VPS13C: variants seen among roughly 807,000 people sequenced by gnomAD.
VPS13C encodes vacuolar protein sorting 13 homolog C.
In VPS13C, 358 loss-of-function variants were observed where a neutral mutation model predicts 456.8. The observed-to-expected ratio is 0.78, with a 90% CI of 0.72 to 0.86. The LOEUF (loss-of-function observed/expected upper bound fraction) is 0.86. Among genes scored for constraint, VPS13C ranks in the 40% least tolerant of loss-of-function variants. The pLI is 0.00. For synonymous variants in VPS13C, 1,578 were observed against 1,486.7 expected, an observed-to-expected ratio of 1.06 and a Z score of -1.41; for missense variants, 4,818 against 4,385.4, an observed-to-expected ratio of 1.10 and a Z score of -2.79.
intron 27 of VPS13C, among the ~76,000 whole-genome samples, chr15:61,972,143 T>C (rs771425245): frequency 3.9e-5 from 6 of 152,198 alleles, no homozygotes; most frequent in Non-Finnish European, 7.3e-5. Flanking sequence ...TCTTTTTGTT[T>C]TCCCAAATAA....
chr15:61,986,593 T>A (rs552367814), intron 18 of VPS13C, among the ~76,000 whole-genome samples: 6 of 151,886 alleles, frequency 4.0e-5, no homozygotes, highest in Non-Finnish European at 8.8e-5. Flanking sequence ...GAAGTGAGGA[T>A]TTTTTTCCCA....
chr15:62,003,416 T>G (rs9920465), intron 15 of VPS13C, among the ~76,000 whole-genome samples: 16,872 of 151,500 alleles, frequency 0.11, 1,281 homozygotes, highest in African/African-American at 0.22. Flanking sequence ...AAGGAGATTT[T>G]GGGCTGAGAC....
chr15:61,860,953 CTTTTTTTTTTTTT>C (rs781045840), intron 82 of VPS13C, among the ~76,000 whole-genome samples: 7 of 89,698 alleles, frequency 7.8e-5, no homozygotes, highest in Non-Finnish European at 1.1e-4. Context: ...TATTTTCTTT[CTTTTTTTTTTTTT>C]TTTTTTTTTT....
intron 67 of VPS13C, among the ~76,000 whole-genome samples, chr15:61,888,655 C>T (rs987183723): frequency 1.3e-5 from 2 of 151,958 alleles, no homozygotes; most frequent in African/African-American, 4.8e-5. Context: ...AAAAGAAAAA[C>T]TTTGGAGACA....
At chr15:62,054,196 G>A (rs1285489505) in intron 1 of VPS13C, among the ~76,000 whole-genome samples, 1 of 152,190 alleles carries the variant, frequency 6.6e-6, no homozygotes, top group African/African-American at 2.4e-5. Context: ...GCTAAGGGCT[G>A]TGAAATTTAT....
At chr15:62,007,508 G>A (rs372224838) in intron 14 of VPS13C, 29 bp from the exon 15 acceptor site, 4 of 1,528,932 alleles carry the variant, frequency 2.6e-6, no homozygotes, top group Non-Finnish European at 3.5e-6. Context: ...TAACGTAAAT[G>A]TTAATATAAA....
intron 81 of VPS13C, chr15:61,864,920 C>A (rs990141044): frequency 1.6e-4 from 154 of 976,598 alleles, no homozygotes; most frequent in Non-Finnish European, 1.4e-4. Context: ...AATGCAAGTA[C>A]AAGAAATACT....
chr15:61,861,643 C>T (rs1389374221), intron 82 of VPS13C, among the ~76,000 whole-genome samples: 3 of 151,992 alleles, frequency 2.0e-5, no homozygotes, highest in Non-Finnish European at 4.4e-5. Context: ...AGTTTGAGTC[C>T]AGCCTGGCCA....
chr15:61,985,647 CTAAG>C (rs900751120), intron 18 of VPS13C, among the ~76,000 whole-genome samples: 17 of 152,138 alleles, frequency 1.1e-4, no homozygotes, highest in Non-Finnish European at 2.4e-4. Context: ...CTGAAACAAA[CTAAG>C]TATTTCAGAA....
Position 62,023,420 on chromosome 15 carries a change from A to G in VPS13C, c.615T>C (p.Tyr205=), listed in dbSNP as rs1380089635. The G allele has an allele frequency of 8.0e-6, 12 of 1,501,716 alleles. No individual in the cohort carries two copies. Among genetic ancestry groups the G allele is most frequent in the Admixed American group, 2.2e-5 (1 of 45,484 alleles). 93.0% of individuals were successfully genotyped at this position (1,501,716 alleles called of 1,614,324 possible). A position where few individuals can be genotyped will look rare whatever the true frequency, so the allele number is the denominator to read the frequency against. ...AATAAAAATTACTTACATCATCTTC[A>G]TATTTAATGTGAATATCTGTGATTT... The part of the protein sequence containing the change: ...QVKITDIHIK[Y]EDDVTDPKRP... Residue 205 remains tyrosine, a synonymous_variant, in exon 8 of 85, where the codon TAT becomes TAC. Coordinates refer to ENST00000644861, the MANE Select transcript of VPS13C (RefSeq NM_020821.3).
At chr15:62,015,918 A>C (rs2047225295) in intron 9 of VPS13C, among the ~76,000 whole-genome samples, 2 of 138,422 alleles carry the variant, frequency 1.4e-5, no homozygotes, top group African/African-American at 5.2e-5. Flanking sequence ...ATGTACCCTA[A>C]AACTTAGAGT....
In VPS13C at chr15:61,991,795, C is replaced by A; in HGVS notation, c.1361G>T (p.Arg454Leu). The A allele has an allele frequency of 1.2e-6, 2 of 1,608,650 alleles. No individual in the cohort carries two copies. The highest frequency in any genetic ancestry group is 1.1e-5 in the South Asian group (1 of 89,836). ...ARQQAQVEVI[R>L]SGQKLRKKSA... is the part of the protein sequence containing the mutation. ...CTTTTTCCTTAATTTTTGCCCAGAC[C>A]GAATCACCTGAAAAATAAAAATTAA... The change falls in exon 17 of 85, where the codon CGG becomes CTG. Residue 454 changes from arginine (R) to leucine (L), a missense_variant. Arg to Leu is a moderately radical substitution (Grantham distance 102). Coordinates refer to ENST00000644861, the MANE Select transcript of VPS13C (RefSeq NM_020821.3).
intron 40 of VPS13C, 102 bp from the exon 41 acceptor site, chr15:61,950,519 G>A: frequency 1.1e-5 from 9 of 786,042 alleles, no homozygotes; most frequent in East Asian, 6.7e-5. Flanking sequence ...TATTAAAAGA[G>A]TAAAAAGATA....
Position 61,869,601 on chromosome 15 carries a change from A to G in VPS13C, c.10647T>C (p.Ala3549=), listed in dbSNP as rs1209532003. Residue 3549 remains alanine (A), a synonymous_variant, in exon 80 of 85, where the codon GCT becomes GCC. Transcript: ENST00000644861. ...PVEGAKKEGA[A]GFFKGIGKGL... is the part of the protein sequence containing the mutation. ...CTTTTCCAATTCCTTTAAAGAATCC[A>G]GCAGCTCCTTCCTTTTTGGCACCTT... 1 of 1,614,174 alleles carries G rather than the reference A, an allele frequency of 6.2e-7. No individual in the cohort carries two copies. Among genetic ancestry groups the G allele is most frequent in the Non-Finnish European group, 8.5e-7 (1 of 1,180,016 alleles).
chr15:61,923,904 C>A lies in VPS13C; in HGVS notation c.6610-1142G>T, dbSNP rs559907540. Among the ~76,000 whole-genome samples the A allele has an allele frequency of 2.6e-3, 289 of 111,196 alleles. 4 individuals are homozygous for A. Among genetic ancestry groups the A allele is most frequent in the African/African-American group, 9.9e-3 (273 of 27,496 alleles). 72.9% of individuals were successfully genotyped at this position (111,196 alleles called of 152,430 possible). Reference sequence around the variant, plus strand: ...TTTTTGAGACGGAGTCTCGCTCTGTCGCCCAGGCTGGAGTGCAGTGGCGGG... The same window carrying A: ...TTTTTGAGACGGAGTCTCGCTCTGTAGCCCAGGCTGGAGTGCAGTGGCGGG... On this transcript the variant is annotated intron_variant, in intron 53 of 84. Coordinates refer to ENST00000644861, the MANE Select transcript of VPS13C (RefSeq NM_020821.3).
At position 61,915,709 on chromosome 15, in the gene VPS13C, T is replaced by C. The variant is rs762520341; in HGVS notation, c.8369A>G (p.His2790Arg). 2 of 1,612,814 alleles carry C rather than the reference T, an allele frequency of 1.2e-6. No individual in the cohort carries two copies. The highest frequency in any genetic ancestry group is 1.7e-5 in the Admixed American group (1 of 59,714). Residue 2790 changes from histidine (H) to arginine (R), a missense_variant, in exon 61 of 85, where the codon CAT (histidine) becomes CGT (arginine). His to Arg is a conservative substitution (Grantham distance 29). This residue lies in a region of VPS13C where 4,552 missense variants were observed against 4,130.6 expected (regional missense o/e 1.10). Transcript: ENST00000644861. ...RVLQYRSEDI[H>R]VKHPADFRDI... Reference sequence around the variant, plus strand: ...CCTGAAATCAGCTGGATGTTTCACATGAATATCTTCTGAACGATACTGGAG... The same window carrying C: ...CCTGAAATCAGCTGGATGTTTCACACGAATATCTTCTGAACGATACTGGAG...
rs146132274 is a variant in VPS13C, at chr15:62,008,474, A to G, written c.1118+181T>C. Among the ~76,000 whole-genome samples the G allele has an allele frequency of 9.6e-4, 146 of 152,272 alleles. 1 individual carries two copies. Among genetic ancestry groups the G allele is most frequent in the African/African-American group, 3.4e-3 (143 of 41,564 alleles). Reference sequence around the variant, plus strand: ...CATATGAAAAAAGTAATATGGACATACAAAAGAAGTGAAAGCTGTTTTTAT... The same window carrying G: ...CATATGAAAAAAGTAATATGGACATGCAAAAGAAGTGAAAGCTGTTTTTAT... On this transcript the variant is annotated intron_variant, in intron 14 of 84. Coordinates refer to ENST00000644861, the MANE Select transcript of VPS13C (RefSeq NM_020821.3).
chr15:61,961,056 G>A (rs1291816480), intron 35 of VPS13C, among the ~76,000 whole-genome samples: 1 of 151,746 alleles, frequency 6.6e-6, no homozygotes, highest in Admixed American at 6.6e-5. Flanking sequence ...ACTCCAGCCT[G>A]GGCGACAGAG....
At chr15:62,041,804 GA>G in intron 2 of VPS13C, among the ~76,000 whole-genome samples, 1 of 151,396 alleles carries the variant, frequency 6.6e-6, no homozygotes, top group South Asian at 2.1e-4. Context: ...TGGGTGACAA[GA>G]CAAAACTCTG....
Sources: allele counts gnomAD v4.1 joint callset (sites outside exome capture counted in the v4.1 genomes callset), GRCh38; gene constraint gnomAD v4.1.1; regional missense constraint gnomAD v4.1.1; transcripts MANE v1.5; gene names NCBI Gene and HGNC (gene_info 2026-07-23, HGNC 2026-07-21).